Variants in MBD5 observed in about 807,000 individuals in gnomAD.
The protein encoded by MBD5 is methyl-CpG-binding domain protein 5.
A neutral mutation model predicts 117.3 loss-of-function variants in MBD5; 13 were observed. That is an observed-to-expected ratio of 0.11 (90% CI 0.07 to 0.18). The LOEUF (loss-of-function observed/expected upper bound fraction) is 0.18, where lower values mean the gene tolerates loss of function less well. Among genes scored for constraint, MBD5 ranks in the 10% least tolerant of loss-of-function variants. The pLI is 1.00. For missense variants in MBD5, 1,879 were observed against 2,093.8 expected (o/e 0.90, Z 2.00); for synonymous variants, 727 against 766.4 (o/e 0.95, Z 0.85).
intron 1 of MBD5, among the ~76,000 whole-genome samples, chr2:148,142,799 A>T (rs1337655213): frequency 6.6e-6 from 1 of 152,214 alleles, no homozygotes; most frequent in African/African-American, 2.4e-5. Context: ...ATATAAAAAA[A>T]ATTGATACCC....
rs1553488510 is a variant in MBD5, at chr2:148,241,599, G to GT, written c.-680+8204_-680+8205insT. ...TGCTTTGTATTTTCTTCCTTTCTGG[G>GT]CCCCCCCTCCCTGACCCTCGATTTT... On this transcript the variant is annotated intron_variant, in intron 3 of 13. Coordinates refer to ENST00000642680, the MANE Select transcript of MBD5 (RefSeq NM_001378120.1). Among the ~76,000 whole-genome samples the GT allele has an allele frequency of 5.9e-5, 9 of 151,714 alleles. No individual in the cohort carries two copies. In the South Asian group the frequency reaches 1.9e-3, roughly 32 times the overall value.
At chr2:148,248,021 G>A (rs1223089735) in intron 3 of MBD5, among the ~76,000 whole-genome samples, 1 of 152,108 alleles carries the variant, frequency 6.6e-6, no homozygotes, top group Non-Finnish European at 1.5e-5. Flanking sequence ...TAAAAGTAGT[G>A]TTCAGAGAGG....
At chr2:148,293,529 A>G (rs1454144121) in intron 3 of MBD5, among the ~76,000 whole-genome samples, 13 of 152,134 alleles carry the variant, frequency 8.5e-5, no homozygotes, top group Non-Finnish European at 1.8e-4. Flanking sequence ...ATGTACCTAC[A>G]ATAATTTTTT....
chr2:148,289,098 A>G (rs565954461), intron 3 of MBD5, among the ~76,000 whole-genome samples: 3 of 152,208 alleles, frequency 2.0e-5, no homozygotes, highest in Admixed American at 6.5e-5. Context: ...TTCCCAAACT[A>G]TAAGCTTCAT....
intron 4 of MBD5, among the ~76,000 whole-genome samples, chr2:148,441,375 G>A (rs1463086049): frequency 5.9e-5 from 9 of 152,030 alleles, no homozygotes; most frequent in East Asian, 1.9e-4. Flanking sequence ...TTGTCCTTGC[G>A]ATAGTTTGCT....
intron 3 of MBD5, among the ~76,000 whole-genome samples, chr2:148,327,890 G>A (rs1450926149): frequency 6.6e-6 from 1 of 152,212 alleles, no homozygotes; most frequent in Admixed American, 6.5e-5. Flanking sequence ...GTGAGGAACT[G>A]CGTTCCTTTG....
intron 11 of MBD5, among the ~76,000 whole-genome samples, chr2:148,492,356 T>C (rs1681555053): frequency 6.6e-6 from 1 of 152,024 alleles, no homozygotes; most frequent in Admixed American, 6.5e-5. Context: ...ATTCCTCCTC[T>C]CACTGGCTGA....
chr2:148,321,940 A>G (rs1334782367), intron 3 of MBD5, among the ~76,000 whole-genome samples: 2 of 152,084 alleles, frequency 1.3e-5, no homozygotes, highest in Non-Finnish European at 2.9e-5. Context: ...AAGCTCTCCA[A>G]TGGGAATTAA....
At position 148,365,174 on chromosome 2, in the gene MBD5, G is replaced by A. The variant is rs571501673; in HGVS notation, c.-557+22838G>A. On this transcript the variant is annotated intron_variant, in intron 4 of 13. Coordinates refer to ENST00000642680, the MANE Select transcript of MBD5 (RefSeq NM_001378120.1). ...ACAGTGCAATCAAATTAGAACTCAG[G>A]ATTACAAAACTCACTCAAAACCACA... Among the ~76,000 whole-genome samples, 7 of 152,220 alleles carry A rather than the reference G, an allele frequency of 4.6e-5. No homozygotes were observed. The South Asian group carries it at 1.2e-3, about 27-fold the overall frequency.
intron 4 of MBD5, among the ~76,000 whole-genome samples, chr2:148,445,375 G>C (rs1411280606): frequency 1.3e-5 from 2 of 150,936 alleles, no homozygotes; most frequent in African/African-American, 5.0e-5. Context: ...CTATGAGTGA[G>C]AACATGCGGT....
At chr2:148,107,055 A>T (rs1483861941) in intron 1 of MBD5, among the ~76,000 whole-genome samples, 3 of 151,970 alleles carry the variant, frequency 2.0e-5, no homozygotes, top group Admixed American at 6.6e-5. Flanking sequence ...TAGTTGTTTT[A>T]AGTGGTATTC....
intron 1 of MBD5, among the ~76,000 whole-genome samples, chr2:148,116,197 T>C (rs1406624259): frequency 2.2e-5 from 1 of 45,838 alleles, no homozygotes; most frequent in Non-Finnish European, 4.7e-5. Flanking sequence ...TTAATGTGGC[T>C]AGTACTGTTC....
chr2:148,396,282 A>G (rs1398896466), intron 4 of MBD5, among the ~76,000 whole-genome samples: 1 of 152,186 alleles, frequency 6.6e-6, no homozygotes, highest in Non-Finnish European at 1.5e-5. Flanking sequence ...GCTAGAGCTT[A>G]GTGAGCTAGA....
At chr2:148,158,876 T>C (rs535479685) in intron 1 of MBD5, among the ~76,000 whole-genome samples, 76 of 152,344 alleles carry the variant, frequency 5.0e-4, no homozygotes, top group African/African-American at 1.5e-3. Flanking sequence ...CCCGCCACCA[T>C]GCCTGGCTAA....
chr2:148,513,259 T>C lies in MBD5; in HGVS notation c.*318T>C, dbSNP rs1053967034. ...AATGTTTCTGAAGAATTTTCAATGTTGTATATAGAAAATACAGAATTTCAT... is the reference window on the plus strand; with the variant it reads ...AATGTTTCTGAAGAATTTTCAATGTCGTATATAGAAAATACAGAATTTCAT... On this transcript the variant is annotated 3_prime_UTR_variant, in exon 14 of 14. Transcript: ENST00000642680. 1 of 332,326 alleles carries C rather than the reference T, an allele frequency of 3.0e-6. No individual in the cohort carries two copies. The highest frequency in any genetic ancestry group is 5.6e-6 in the Non-Finnish European group (1 of 177,030). 20.6% of individuals were successfully genotyped at this position (332,326 alleles called of 1,614,324 possible). A position where few individuals can be genotyped will look rare whatever the true frequency, so the allele number is the denominator to read the frequency against.
chr2:148,438,265 T>C lies in MBD5; in HGVS notation c.-556-19938T>C, dbSNP rs541279069. Among the ~76,000 whole-genome samples the C allele has an allele frequency of 3.9e-5, 6 of 152,322 alleles. No individual in the cohort carries two copies. In the South Asian group the frequency reaches 1.2e-3, roughly 32 times the overall value. On this transcript the variant is annotated intron_variant, in intron 4 of 13. Coordinates refer to ENST00000642680, the MANE Select transcript of MBD5 (RefSeq NM_001378120.1). ...TTGTATTTTTCATCTGCCTTTTCACTTCTGTGATCTTCAAAATACTCACTG... is the reference window on the plus strand; with the variant it reads ...TTGTATTTTTCATCTGCCTTTTCACCTCTGTGATCTTCAAAATACTCACTG...
At chr2:148,501,512 T>C (rs952480641) in intron 11 of MBD5, among the ~76,000 whole-genome samples, 2 of 152,244 alleles carry the variant, frequency 1.3e-5, no homozygotes, top group African/African-American at 4.8e-5. Context: ...TGTGTGTGTG[T>C]GTGTTTACAG....
Position 148,469,412 on chromosome 2 carries a change from C to T in MBD5, c.1469C>T (p.Pro490Leu). Residue 490 changes from proline to leucine, a missense_variant, in exon 8 of 14, where the codon CCC becomes CTC. Pro to Leu is a moderately conservative substitution (Grantham distance 98). Coordinates refer to ENST00000642680, the MANE Select transcript of MBD5 (RefSeq NM_001378120.1). ...QATSSGIKVP[P>L]RSPRSTIGSP... The stretch of plus-strand genomic sequence containing the variant: ...ACTTCTAGTGGTATTAAGGTTCCAC[C>T]CAGGTCACCAAGGTCAACAATAGGG... 1.2e-6 allele frequency: 2 copies of T among 1,613,850 alleles called. No individual in the cohort carries two copies. The highest frequency in any genetic ancestry group is 1.3e-5 in the African/African-American group (1 of 75,014).
At chr2:148,085,619 G>C (rs924423798) in intron 1 of MBD5, among the ~76,000 whole-genome samples, 1 of 150,922 alleles carries the variant, frequency 6.6e-6, no homozygotes, top group Non-Finnish European at 1.5e-5. Flanking sequence ...AGCTACTTGG[G>C]AGGCTGAGGC....
Sources: gnomAD v4.1 joint callset for allele counts (sites outside exome capture counted in the v4.1 genomes callset) on GRCh38, gnomAD v4.1.1 for gene constraint, MANE v1.5 for transcripts, NCBI Gene and HGNC (gene_info 2026-07-23, HGNC 2026-07-21) for gene names.